PDCL3: variants seen among roughly 807,000 people sequenced by gnomAD.
PDCL3 encodes the protein phosducin like 3.
A neutral mutation model predicts 26.5 loss-of-function variants in PDCL3; 22 were observed. The observed-to-expected ratio is 0.83, with a 90% confidence interval of 0.59 to 1.19. The LOEUF (loss-of-function observed/expected upper bound fraction) is 1.19, where lower values mean the gene tolerates loss of function less well. Ranked by LOEUF, PDCL3 falls within the 50% of genes most tolerant of loss-of-function variation. The pLI, the probability that PDCL3 is intolerant of heterozygous loss-of-function variation, is 0.00. For synonymous variants in PDCL3, 81 were observed against 104.9 expected (o/e 0.77, Z 1.39); for missense variants, 246 against 294.1 (o/e 0.84, Z 1.20).
At chr2:100,571,159 G>GTAA (rs10693596) in intron 4 of PDCL3, among the ~76,000 whole-genome samples, 71,662 of 147,822 alleles carry the variant, frequency 0.48, 18,698 homozygotes, top group East Asian at 0.97. Context: ...GTGTGTGCCT[G>GTAA]TAATCACACC....
chr2:100,567,707 G>A (rs1485606460), intron 2 of PDCL3, among the ~76,000 whole-genome samples: 1 of 152,156 alleles, frequency 6.6e-6, no homozygotes, highest in Admixed American at 6.5e-5. Context: ...GAGGCGCTGG[G>A]GGAGAGAGTT....
At chr2:100,569,053 T>TTTG in intron 3 of PDCL3, 32 bp downstream of exon 3, 1 of 1,571,614 alleles carries the variant, frequency 6.4e-7, no homozygotes, top group African/African-American at 1.4e-5. Flanking sequence ...TGTTTGTTTT[T>TTTG]TTGTTGTTGT....
chr2:100,568,782 G>A, intron 2 of PDCL3, 149 bp from the exon 3 acceptor site: 1 of 640,050 alleles, frequency 1.6e-6, no homozygotes, highest in South Asian at 1.9e-5. Flanking sequence ...TTCTAATGTA[G>A]TGTGGTGCCT....
chr2:100,573,503 G>C (rs1675218993), intron 5 of PDCL3, among the ~76,000 whole-genome samples: 1 of 151,770 alleles, frequency 6.6e-6, no homozygotes, highest in Non-Finnish European at 1.5e-5. Flanking sequence ...GTGAAACCCT[G>C]TCTCTACTGA....
At position 100,563,044 on chromosome 2, in the gene PDCL3, T is replaced by A. The variant is rs2104388698; in HGVS notation, c.-24T>A. On this transcript the variant is annotated 5_prime_UTR_variant, in exon 1 of 6. It adds an upstream start codon to the 5' untranslated region. Coordinates refer to ENST00000264254, the MANE Select transcript of PDCL3 (RefSeq NM_024065.5). ...GCGGGGGCGCTGCGGCACAGCTGGT[T>A]TGAGCAACTGAACTGGAAACAAGAT... is the stretch of plus-strand genomic sequence containing the variant. 6.2e-7 allele frequency: 1 copy of A among 1,600,314 alleles called. No individual in the cohort carries two copies. Among genetic ancestry groups the A allele is most frequent in the East Asian group, 2.3e-5 (1 of 44,326 alleles).
In PDCL3 at chr2:100,563,185, G is replaced by C. The variant is rs184997303; in HGVS notation, c.6+112G>C. 14 of 1,372,764 alleles carry C rather than the reference G, an allele frequency of 1.0e-5. No individual in the cohort carries two copies. In the East Asian group the frequency reaches 2.9e-4, roughly 29 times the overall value. The allele number at this position is 1,372,764 out of a possible 1,614,324, so 85.0% of individuals were successfully genotyped here. On this transcript the variant is annotated intron_variant, in intron 1 of 5. Coordinates refer to ENST00000264254, the MANE Select transcript of PDCL3 (RefSeq NM_024065.5). ...GGGGAAGCTCCGGCGCCGCAGGCAC[G>C]AGGGAGGCCCGGCGCGTCCAGGCCC...
chr2:100,575,170 G>C (rs991360947), intron 5 of PDCL3, among the ~76,000 whole-genome samples: 4 of 152,248 alleles, frequency 2.6e-5, no homozygotes, highest in South Asian at 2.1e-4. Context: ...CAGTCTCGCT[G>C]TGTCGCCCAG....
chr2:100,575,727 A>G (rs1195974043), intron 5 of PDCL3, among the ~76,000 whole-genome samples: 1 of 152,184 alleles, frequency 6.6e-6, no homozygotes, highest in African/African-American at 2.4e-5. Flanking sequence ...GGGTATCACC[A>G]TACATTTATT....
At chr2:100,576,056 C>A (rs1460801037) in intron 5 of PDCL3, among the ~76,000 whole-genome samples, 1 of 151,970 alleles carries the variant, frequency 6.6e-6, no homozygotes, top group Non-Finnish European at 1.5e-5. Context: ...CACCACTGTA[C>A]CCAGTGAATT....
chr2:100,564,918 A>T (rs1295551712), intron 1 of PDCL3, among the ~76,000 whole-genome samples: 1 of 152,180 alleles, frequency 6.6e-6, no homozygotes, highest in African/African-American at 2.4e-5. Context: ...AAGGTACAAG[A>T]AAAAGGGCTT....
rs1255489038 is a variant in PDCL3 at position 100,566,191 on chromosome 2, CTG to C, written c.7-309_7-308del. ...GTGCTGGGATTACAGGCGTGAGCCA[CTG>C]TGCCCGGCACTCTCAGTCATTATTA... On this transcript the variant is annotated intron_variant, in intron 1 of 5. Coordinates refer to ENST00000264254, the MANE Select transcript of PDCL3 (RefSeq NM_024065.5). Among the ~76,000 whole-genome samples the C allele has an allele frequency of 2.1e-5, 3 of 145,484 alleles. No individual in the cohort carries two copies. The East Asian group carries it at 6.9e-4, about 34-fold the overall frequency.
In PDCL3 at chr2:100,563,035, A is replaced by G; in HGVS notation, c.-33A>G. The G allele has an allele frequency of 1.3e-6, 2 of 1,594,520 alleles. No homozygotes were observed. The highest frequency in any genetic ancestry group is 1.3e-5 in the African/African-American group (1 of 74,684). On this transcript the variant is annotated 5_prime_UTR_variant, in exon 1 of 6. Transcript: ENST00000264254. ...AGCTGAGGGGCGGGGGCGCTGCGGC[A>G]CAGCTGGTTTGAGCAACTGAACTGG...
rs1381493344 is a variant in PDCL3 at position 100,563,059 on chromosome 2, G to C, written c.-9G>C. 1 of 1,604,602 alleles carries C rather than the reference G, an allele frequency of 6.2e-7. No individual in the cohort carries two copies. The highest frequency in any genetic ancestry group is 8.5e-7 in the Non-Finnish European group (1 of 1,176,062). On this transcript the variant is annotated 5_prime_UTR_variant, in exon 1 of 6. Transcript: ENST00000264254. The stretch of plus-strand genomic sequence containing the variant: ...CACAGCTGGTTTGAGCAACTGAACT[G>C]GAAACAAGATGCAGGTGAGCTAGGA...
At chr2:100,574,884 A>G (rs559664804) in intron 5 of PDCL3, among the ~76,000 whole-genome samples, 4 of 152,188 alleles carry the variant, frequency 2.6e-5, no homozygotes, top group Non-Finnish European at 5.9e-5. Context: ...GGAGGATTGC[A>G]TGAGGCCAGG....
chr2:100,565,379 A>G (rs1675042560), intron 1 of PDCL3, among the ~76,000 whole-genome samples: 1 of 145,790 alleles, frequency 6.9e-6, no homozygotes, highest in Admixed American at 6.9e-5. Flanking sequence ...GGTTCCTGCC[A>G]CTCTCCTGCC....
chr2:100,573,761 A>G (rs1235679884), intron 5 of PDCL3, among the ~76,000 whole-genome samples: 1 of 152,076 alleles, frequency 6.6e-6, no homozygotes, highest in Non-Finnish European at 1.5e-5. Context: ...CATCAGTTAC[A>G]TATTCCAGTG....
intron 1 of PDCL3, among the ~76,000 whole-genome samples, chr2:100,564,249 C>T (rs1675015415): frequency 6.6e-6 from 1 of 151,898 alleles, no homozygotes; most frequent in East Asian, 1.9e-4. Context: ...TCCCTTGAGG[C>T]CTTCCCTGAC....
At chr2:100,574,701 A>C (rs1271044848) in intron 5 of PDCL3, among the ~76,000 whole-genome samples, 1 of 152,228 alleles carries the variant, frequency 6.6e-6, no homozygotes. Flanking sequence ...TTCAGAACTT[A>C]CCATCTTATA....
chr2:100,570,725 C>T (rs1207294420), intron 4 of PDCL3, among the ~76,000 whole-genome samples: 2 of 152,052 alleles, frequency 1.3e-5, no homozygotes, highest in African/African-American at 4.8e-5. Context: ...ATCCACTCAT[C>T]TTGGCCTCCC....
Sources: gnomAD v4.1 joint callset for allele counts (sites outside exome capture counted in the v4.1 genomes callset) on GRCh38, gnomAD v4.1.1 for gene constraint, MANE v1.5 for transcripts, NCBI Gene and HGNC (gene_info 2026-07-23, HGNC 2026-07-21) for gene names.